The following SI variants were observed in gnomAD, a reference collection of about 807,000 sequenced individuals.
The protein encoded by SI is sucrase-isomaltase, intestinal.
In SI, 235 loss-of-function variants were observed where a neutral mutation model predicts 253.3. The ratio of observed to expected loss-of-function variants is 0.93; its 90% CI spans 0.83 to 1.03. The LOEUF is 1.03. Ranked by LOEUF, SI falls within the 50% of genes least tolerant of loss-of-function variation. SI has a pLI of 0.00. For synonymous variants in SI, 819 were observed against 712.0 expected, an observed-to-expected ratio of 1.15 and a Z score of -2.39; for missense variants, 2,442 against 2,211.1, an observed-to-expected ratio of 1.10 and a Z score of -2.09.
intron 32 of SI, 133 bp downstream of exon 32, chr3:165,015,819 G>C (rs1718994574): frequency 1.2e-6 from 1 of 800,354 alleles, no homozygotes; most frequent in African/African-American, 1.7e-5. Flanking sequence ...GCTAAAGGAA[G>C]AGAGTTTTAG....
rs1358686139 is a variant in SI at position 164,997,460 on chromosome 3, CT to C, written c.4541-689del. On this transcript the variant is annotated intron_variant, in intron 38 of 47. Coordinates refer to ENST00000264382, the MANE Select transcript of SI (RefSeq NM_001041.4). Reference sequence around the variant, plus strand: ...AATGTTTCTTTTTTTTTTTTAGCATCTATCAGTGATTTATATTCCCTAGAAT... The same window carrying C: ...AATGTTTCTTTTTTTTTTTTAGCATCATCAGTGATTTATATTCCCTAGAAT... Among the ~76,000 whole-genome samples, 4 of 148,472 alleles carry C rather than the reference CT, an allele frequency of 2.7e-5. No homozygotes were observed. The East Asian group carries it at 7.9e-4, about 29-fold the overall frequency.
intron 1 of SI, among the ~76,000 whole-genome samples, chr3:165,076,745 G>C (rs1360570892): frequency 6.6e-6 from 1 of 151,596 alleles, no homozygotes; most frequent in Non-Finnish European, 1.5e-5. Context: ...GCATATGGAA[G>C]ATACCCAAAT....
chr3:165,073,451 G>A (rs1576926145), intron 3 of SI, among the ~76,000 whole-genome samples: 1 of 151,972 alleles, frequency 6.6e-6, no homozygotes, highest in South Asian at 2.1e-4. Context: ...TTACTCAAAG[G>A]AAAATCTCAT....
chr3:165,040,895 C>G (rs779361359), intron 18 of SI, 45 bp downstream of exon 18: 6 of 1,483,990 alleles, frequency 4.0e-6, no homozygotes, highest in Non-Finnish European at 5.6e-6. Flanking sequence ...TATGTTTGAA[C>G]ATACTTTAAA....
At chr3:165,028,842 G>T (rs2108198604) in intron 25 of SI, among the ~76,000 whole-genome samples, 1 of 150,386 alleles carries the variant, frequency 6.6e-6, no homozygotes, top group Middle Eastern at 3.4e-3. Flanking sequence ...AATTCTAGAA[G>T]ATAGCATTCT....
At chr3:164,995,463 T>C (rs1041462173) in intron 40 of SI, among the ~76,000 whole-genome samples, 3 of 151,826 alleles carry the variant, frequency 2.0e-5, no homozygotes, top group Non-Finnish European at 4.4e-5. Context: ...ATTCGAGTAA[T>C]ACATTTCAAT....
rs374167635 is a variant in SI at position 164,991,845 on chromosome 3, C to A, written c.4983+332G>T. On this transcript the variant is annotated intron_variant, in intron 43 of 47. Transcript: ENST00000264382. ...GAAAAGTCACAAAAGCTCTGCTTGA[C>A]TTGCCATGTACATTATTCTTAGAAA... Among the ~76,000 whole-genome samples, 17 of 152,122 alleles carry A rather than the reference C, an allele frequency of 1.1e-4. No homozygotes were observed. In the East Asian group the frequency reaches 2.9e-3, roughly 26 times the overall value.
intron 25 of SI, among the ~76,000 whole-genome samples, chr3:165,025,575 G>GA (rs796637702): frequency 2.0e-5 from 3 of 151,100 alleles, no homozygotes; most frequent in Admixed American, 1.3e-4. Flanking sequence ...TAAGATGAAG[G>GA]AAAAAATCTT....
At chr3:164,998,729 T>TATC in intron 37 of SI, 56 bp from the exon 38 acceptor site, 1 of 1,429,694 alleles carries the variant, frequency 7.0e-7, no homozygotes, top group Non-Finnish European at 9.9e-7. Flanking sequence ...TCTCCAAATA[T>TATC]ATCTACTTAC....
chr3:164,987,045 T>G (rs1486819962), intron 45 of SI, 93 bp downstream of exon 45: 1 of 970,444 alleles, frequency 1.0e-6, no homozygotes, highest in East Asian at 2.4e-5. Context: ...AATAGCTTTG[T>G]ACTCAGCTTC....
upstream of SI, among the ~76,000 whole-genome samples, chr3:165,080,572 A>C (rs1378385278): frequency 6.6e-6 from 1 of 152,094 alleles, no homozygotes; most frequent in African/African-American, 2.4e-5. Context: ...CTATGCAGCC[A>C]TAAAAAAGGA....
intron 12 of SI, among the ~76,000 whole-genome samples, chr3:165,057,477 T>C (rs1393337354): frequency 6.6e-6 from 1 of 151,766 alleles, no homozygotes; most frequent in Non-Finnish European, 1.5e-5. Context: ...TATTGAAGTA[T>C]AGGAAAGATA....
intron 9 of SI, among the ~76,000 whole-genome samples, chr3:165,060,866 A>AT (rs1553777531): frequency 4.1e-5 from 6 of 146,166 alleles, no homozygotes; most frequent in African/African-American, 9.9e-5. Flanking sequence ...ATATTAAAAA[A>AT]AAATATATAT....
intron 25 of SI, among the ~76,000 whole-genome samples, chr3:165,024,162 A>C (rs1036580673): frequency 1.3e-5 from 2 of 151,412 alleles, no homozygotes; most frequent in African/African-American, 4.8e-5. Flanking sequence ...GCATTATAAC[A>C]TGCCTCTAAA....
At chr3:165,038,152 T>C in intron 20 of SI, 128 bp from the exon 21 acceptor site, 2 of 831,592 alleles carry the variant, frequency 2.4e-6, no homozygotes, top group Non-Finnish European at 3.7e-6. Context: ...TATATTGTTT[T>C]CTAACTTTAG....
intron 24 of SI, among the ~76,000 whole-genome samples, chr3:165,031,524 T>A (rs1052442896): frequency 6.7e-6 from 1 of 149,982 alleles, no homozygotes; most frequent in Non-Finnish European, 1.5e-5. Flanking sequence ...TTATATCAAT[T>A]TATTCTTATA....
At position 165,039,151 on chromosome 3, in the gene SI, A is replaced by G; in HGVS notation, c.2245-17T>C. On this transcript the variant is annotated splice_polypyrimidine_tract_variant and intron_variant, in intron 19 of 47. Coordinates refer to ENST00000264382, the MANE Select transcript of SI (RefSeq NM_001041.4). ...ATCTGCTCCCTAAAATAAAGATAAT[A>G]TGTATTTTTTAATTTCAATTTTTAA... 1.3e-6 allele frequency: 2 copies of G among 1,524,048 alleles called. No homozygotes were observed. The highest frequency in any genetic ancestry group is 1.1e-5 in the South Asian group (1 of 87,724). The allele number at this position is 1,524,048 out of a possible 1,614,324, so 94.4% of individuals were successfully genotyped here. A position where few individuals can be genotyped will look rare whatever the true frequency, so the allele number is the denominator to read the frequency against.
At chr3:164,997,110 G>T (rs1718046256) in intron 38 of SI, among the ~76,000 whole-genome samples, 1 of 151,612 alleles carries the variant, frequency 6.6e-6, no homozygotes, top group Admixed American at 6.6e-5. Context: ...TGCTATTTCT[G>T]CAGTTACTTA....
the SI span, among the ~76,000 whole-genome samples, chr3:165,088,786 C>T: frequency 6.6e-6 from 1 of 151,728 alleles, no homozygotes; most frequent in Non-Finnish European, 1.5e-5. Flanking sequence ...TTAACATGGT[C>T]TACCAATTTC....
Sources: gnomAD v4.1 joint callset for allele counts (sites outside exome capture counted in the v4.1 genomes callset) on GRCh38, gnomAD v4.1.1 for gene constraint, MANE v1.5 for transcripts, NCBI Gene and HGNC (gene_info 2026-07-23, HGNC 2026-07-21) for gene names.